Variants in ATRNL1 observed in about 807,000 individuals in gnomAD.
The protein encoded by ATRNL1 is attractin like 1, also known as attractin-like protein 1.
A neutral mutation model predicts 182.7 loss-of-function variants in ATRNL1; 95 were observed. The observed-to-expected ratio is 0.52, with a 90% CI of 0.44 to 0.62. The LOEUF (loss-of-function observed/expected upper bound fraction) is 0.62. Ranked by LOEUF, ATRNL1 falls within the 20% of genes least tolerant of loss-of-function variation. The pLI is 0.00. For missense variants in ATRNL1, 1,471 were observed against 1,679.5 expected, an observed-to-expected ratio of 0.88 and a Z score of 2.17; for synonymous variants, 576 against 568.3, an observed-to-expected ratio of 1.01 and a Z score of -0.19.
intron 28 of ATRNL1, among the ~76,000 whole-genome samples, chr10:115,915,172 C>T (rs1272461736): frequency 4.6e-5 from 7 of 152,042 alleles, no homozygotes; most frequent in East Asian, 1.9e-4. Flanking sequence ...CCGAGGCAGG[C>T]GGATCACGAA....
intron 26 of ATRNL1, among the ~76,000 whole-genome samples, chr10:115,570,675 T>C (rs1255667492): frequency 6.6e-6 from 1 of 152,224 alleles, no homozygotes; most frequent in East Asian, 1.9e-4. Context: ...CTTTGACCAG[T>C]CAACTGTGGT....
intron 26 of ATRNL1, among the ~76,000 whole-genome samples, chr10:115,583,970 A>G (rs2133894642): frequency 6.6e-6 from 1 of 152,244 alleles, no homozygotes; most frequent in South Asian, 2.1e-4. Flanking sequence ...AGCATTGTTG[A>G]ATTTTGTCAA....
intron 26 of ATRNL1, among the ~76,000 whole-genome samples, chr10:115,674,232 G>T (rs1479233085): frequency 6.6e-6 from 1 of 151,976 alleles, no homozygotes; most frequent in Non-Finnish European, 1.5e-5. Flanking sequence ...GCTATGAGTA[G>T]CATGATAAAT....
intron 15 of ATRNL1, among the ~76,000 whole-genome samples, chr10:115,295,332 G>A (rs1242480344): frequency 6.6e-6 from 1 of 152,094 alleles, no homozygotes; most frequent in African/African-American, 2.4e-5. Flanking sequence ...GCCTCATGGG[G>A]TCGTGTCTCA....
chr10:115,886,005 C>G (rs1951936187), intron 28 of ATRNL1, among the ~76,000 whole-genome samples: 1 of 152,192 alleles, frequency 6.6e-6, no homozygotes, highest in Admixed American at 6.5e-5. Context: ...CCTGCGTTTG[C>G]ATCTGTATTC....
intron 28 of ATRNL1, among the ~76,000 whole-genome samples, chr10:115,856,256 C>T (rs7922443): frequency 0.051 from 7,737 of 151,418 alleles, 673 homozygotes; most frequent in African/African-American, 0.18. Flanking sequence ...AGTGAAATCC[C>T]GTCTCTACTA....
intron 28 of ATRNL1, among the ~76,000 whole-genome samples, chr10:115,918,860 G>C (rs1952958857): frequency 6.6e-6 from 1 of 152,174 alleles, no homozygotes; most frequent in Non-Finnish European, 1.5e-5. Flanking sequence ...GGTAATAACT[G>C]TTCCTTAGTG....
At chr10:115,504,921 A>C (rs1432661147) in intron 24 of ATRNL1, among the ~76,000 whole-genome samples, 2 of 152,056 alleles carry the variant, frequency 1.3e-5, no homozygotes, top group African/African-American at 4.8e-5. Flanking sequence ...TAGATTTATA[A>C]AGACCTTTTT....
intron 18 of ATRNL1, among the ~76,000 whole-genome samples, chr10:115,327,782 G>A (rs75822543): frequency 1.8e-4 from 27 of 152,132 alleles, no homozygotes; most frequent in East Asian, 7.7e-4. Flanking sequence ...CATGTCCTTT[G>A]TAGGGATATG....
chr10:115,141,583 T>A (rs566101503), intron 5 of ATRNL1, among the ~76,000 whole-genome samples: 9 of 152,272 alleles, frequency 5.9e-5, no homozygotes, highest in Middle Eastern at 3.4e-3. Flanking sequence ...ATCTGAAGTA[T>A]TTTATCTGGG....
rs75532632 is a variant in ATRNL1, at chr10:115,807,066, C to T, written c.3904-40811C>T. 4.5e-3 allele frequency among the ~76,000 whole-genome samples: 682 copies of T among 151,502 alleles called. 8 individuals carry two copies. The highest frequency in any genetic ancestry group is 0.015 in the African/African-American group (640 of 41,314). On this transcript the variant is annotated intron_variant, in intron 27 of 28. Transcript: ENST00000355044. ...TTCTGAGTCCTTTTTAAGTGAGTTA[C>T]CAGGAACTCCAATGAATGCATGTCG...
Position 115,305,899 on chromosome 10 carries a change from A to G in ATRNL1, c.2818+3856A>G, listed in dbSNP as rs565325924. Among the ~76,000 whole-genome samples the G allele has an allele frequency of 1.1e-4, 17 of 152,270 alleles. No homozygotes were observed. In the East Asian group the frequency reaches 3.1e-3, roughly 28 times the overall value. On this transcript the variant is annotated intron_variant, in intron 17 of 28. Coordinates refer to ENST00000355044, the MANE Select transcript of ATRNL1 (RefSeq NM_207303.4). ...AATGCTCCACTTCTAGGCTTTGTGC[A>G]GGTCCAGAGTGTGTGTTTATAGGAA...
chr10:115,874,016 G>T (rs1457010388), intron 28 of ATRNL1, among the ~76,000 whole-genome samples: 1 of 152,128 alleles, frequency 6.6e-6, no homozygotes, highest in Non-Finnish European at 1.5e-5. Context: ...GATCAAAATT[G>T]GTATCCAGAA....
chr10:115,328,248 C>G (rs1160296675), intron 18 of ATRNL1, among the ~76,000 whole-genome samples: 5 of 151,984 alleles, frequency 3.3e-5, no homozygotes, highest in African/African-American at 1.2e-4. Context: ...TACCCATCAG[C>G]TTTTCCATAA....
intron 25 of ATRNL1, among the ~76,000 whole-genome samples, chr10:115,536,074 G>A (rs1851975895): frequency 6.6e-6 from 1 of 152,120 alleles, no homozygotes; most frequent in African/African-American, 2.4e-5. Flanking sequence ...GGACCCACTT[G>A]AGGAGGCAGT....
chr10:115,223,961 A>T (rs1849594334), intron 9 of ATRNL1, among the ~76,000 whole-genome samples: 2 of 57,934 alleles, frequency 3.5e-5, no homozygotes, highest in East Asian at 2.8e-4. Context: ...TTTGAGACAG[A>T]CTCTCACTCC....
rs552858229 is a variant in ATRNL1, at chr10:115,673,944, C to A, written c.3796-53304C>A. On this transcript the variant is annotated intron_variant, in intron 26 of 28. Coordinates refer to ENST00000355044, the MANE Select transcript of ATRNL1 (RefSeq NM_207303.4). ...CAGCATGCTTCCTCTTGGGAGCTGC[C>A]ATGCTGTCAGAACCCCAGGCTACAT... is the stretch of plus-strand genomic sequence containing the variant. 2.6e-5 allele frequency among the ~76,000 whole-genome samples: 4 copies of A among 152,088 alleles called. No individual in the cohort carries two copies. In the East Asian group the frequency reaches 7.8e-4, roughly 30 times the overall value.
intron 27 of ATRNL1, among the ~76,000 whole-genome samples, chr10:115,730,601 G>T (rs1387824638): frequency 6.6e-6 from 1 of 152,078 alleles, no homozygotes; most frequent in Non-Finnish European, 1.5e-5. Context: ...AGTAATAAAA[G>T]ATACACGTAA....
intron 28 of ATRNL1, among the ~76,000 whole-genome samples, chr10:115,885,734 G>A (rs1328159361): frequency 2.6e-5 from 4 of 152,038 alleles, no homozygotes; most frequent in South Asian, 2.1e-4. Flanking sequence ...TTTTAGAAGC[G>A]GTATATTGTG....
Sources: gnomAD v4.1 joint callset for allele counts (sites outside exome capture counted in the v4.1 genomes callset) on GRCh38, gnomAD v4.1.1 for gene constraint, MANE v1.5 for transcripts, NCBI Gene and HGNC (gene_info 2026-07-23, HGNC 2026-07-21) for gene names.